RABGAP1L: variants seen among roughly 807,000 people sequenced by gnomAD.
The protein encoded by RABGAP1L is rab GTPase-activating protein 1-like.
Under a neutral mutation model 137.7 loss-of-function variants are expected in RABGAP1L, and 63 were observed. That is an observed-to-expected ratio of 0.46 (90% confidence interval 0.37 to 0.56). The LOEUF is 0.56. Among genes scored for constraint, RABGAP1L ranks in the 20% least tolerant of loss-of-function variants. The pLI, the probability that RABGAP1L is intolerant of heterozygous loss-of-function variation, is 0.00. For synonymous variants in RABGAP1L, 431 were observed against 433.7 expected (o/e 0.99, Z 0.08); for missense variants, 1,095 against 1,244.0 (o/e 0.88, Z 1.80).
intron 1 of RABGAP1L, among the ~76,000 whole-genome samples, chr1:174,195,667 CCTTTCCTT>C (rs1330311008): frequency 2.8e-3 from 266 of 93,994 alleles, no homozygotes; most frequent in Middle Eastern, 0.016. Flanking sequence ...CCTTTCCTTT[CCTTTCCTT>C]CTTTCCTTCT....
In RABGAP1L at chr1:174,448,177, C is replaced by T. The variant is rs541639206; in HGVS notation, c.1710+54032C>T. 13 of 1,613,244 alleles carry T rather than the reference C, an allele frequency of 8.1e-6. No homozygotes were observed. The highest frequency in any genetic ancestry group is 2.7e-5 in the African/African-American group (2 of 74,948). ...TGAGCAGTGGCATTGTGAATGTGTCCGAGCGTCACTCCTGCCCACTTGGAT... is the reference window on the plus strand; with the variant it reads ...TGAGCAGTGGCATTGTGAATGTGTCTGAGCGTCACTCCTGCCCACTTGGAT... On this transcript the variant is annotated intron_variant, in intron 13 of 25. Transcript: ENST00000681986. The surrounding 1 kb of genome is among the most constrained non-coding windows in gnomAD (Gnocchi z 4.2).
At chr1:174,778,823 T>C (rs1052625500) in intron 18 of RABGAP1L, among the ~76,000 whole-genome samples, 2 of 152,166 alleles carry the variant, frequency 1.3e-5, no homozygotes, top group African/African-American at 4.8e-5. Flanking sequence ...CTCAAACTCC[T>C]GACCTTGTGA....
At chr1:174,344,235 A>C (rs979127308) in intron 11 of RABGAP1L, among the ~76,000 whole-genome samples, 1 of 152,102 alleles carries the variant, frequency 6.6e-6, no homozygotes, top group Non-Finnish European at 1.5e-5. Context: ...ATCTCTGGAG[A>C]ATGCTCTCTG....
chr1:174,467,030 A>C (rs1657379838), intron 13 of RABGAP1L, among the ~76,000 whole-genome samples: 1 of 152,200 alleles, frequency 6.6e-6, no homozygotes, highest in Non-Finnish European at 1.5e-5. Flanking sequence ...TAGCAGCTGT[A>C]GTCATTGTTG....
At chr1:174,936,215 A>C (rs1388063207) in intron 19 of RABGAP1L, among the ~76,000 whole-genome samples, 3 of 152,090 alleles carry the variant, frequency 2.0e-5, no homozygotes, top group African/African-American at 4.8e-5. Flanking sequence ...TGGTAATCTC[A>C]CAACTTTGAA....
Position 174,850,955 on chromosome 1 carries a change from T to C in RABGAP1L, c.2340+38995T>C, listed in dbSNP as rs538744466. Among the ~76,000 whole-genome samples, 17 of 152,326 alleles carry C rather than the reference T, an allele frequency of 1.1e-4. No homozygotes were observed. The South Asian group carries it at 3.5e-3, about 32-fold the overall frequency. On this transcript the variant is annotated intron_variant, in intron 19 of 25. Transcript: ENST00000681986. Reference sequence around the variant, plus strand: ...TGAGGAGCTGAGGGCAGCTCCCAGCTGACAGCTAGCAAGGGAACTGGCCAA... The same window carrying C: ...TGAGGAGCTGAGGGCAGCTCCCAGCCGACAGCTAGCAAGGGAACTGGCCAA...
chr1:174,166,108 A>G (rs932321753), intron 1 of RABGAP1L, among the ~76,000 whole-genome samples: 5 of 152,252 alleles, frequency 3.3e-5, no homozygotes, highest in African/African-American at 1.2e-4. Flanking sequence ...CAGAGAGCAC[A>G]TAAGTATCCT....
chr1:174,219,089 G>C, intron 1 of RABGAP1L, 36 bp from the exon 2 acceptor site: 1 of 1,400,366 alleles, frequency 7.1e-7, no homozygotes, highest in Non-Finnish European at 9.7e-7. Flanking sequence ...TTTTTAATCA[G>C]TAGGTTTTTT....
intron 12 of RABGAP1L, among the ~76,000 whole-genome samples, chr1:174,389,592 C>T (rs546482415): frequency 6.6e-6 from 1 of 152,218 alleles, no homozygotes; most frequent in East Asian, 1.9e-4. Flanking sequence ...GAGTCCATGA[C>T]ATTTTTTTGA....
chr1:174,540,825 G>A (rs1316467050), intron 13 of RABGAP1L, among the ~76,000 whole-genome samples: 1 of 152,168 alleles, frequency 6.6e-6, no homozygotes, highest in African/African-American at 2.4e-5. Flanking sequence ...TTCCAATTCT[G>A]TGAAGAAAGT....
chr1:174,633,672 GT>G (rs1445900734), intron 13 of RABGAP1L, among the ~76,000 whole-genome samples: 1 of 120,352 alleles, frequency 8.3e-6, no homozygotes. Flanking sequence ...CATGGTAGTG[GT>G]ACCAAAACAG....
intron 5 of RABGAP1L, among the ~76,000 whole-genome samples, chr1:174,243,972 A>G (rs1174613882): frequency 1.3e-5 from 2 of 152,220 alleles, no homozygotes; most frequent in Non-Finnish European, 2.9e-5. Context: ...ATTTATTGGT[A>G]ACATAGCTTG....
chr1:174,921,307 G>C (rs980379723), intron 19 of RABGAP1L, among the ~76,000 whole-genome samples: 1 of 152,138 alleles, frequency 6.6e-6, no homozygotes, highest in African/African-American at 2.4e-5. Context: ...CCTGGGTTTT[G>C]TTTTGTTTTT....
rs188036148 is a variant in RABGAP1L, at chr1:174,364,545, C to T, written c.1466-6434C>T. Among the ~76,000 whole-genome samples, 143 of 152,130 alleles carry T rather than the reference C, an allele frequency of 9.4e-4. No homozygotes were observed. In the East Asian group the frequency reaches 0.023, roughly 24 times the overall value. ...CTGGGATTACAGGCGTGAGCCACCG[C>T]GCCCGGCCTGGATTTCTTCATGGTT... On this transcript the variant is annotated intron_variant, in intron 11 of 25. Coordinates refer to ENST00000681986, the MANE Select transcript of RABGAP1L (RefSeq NM_001366446.1).
intron 18 of RABGAP1L, among the ~76,000 whole-genome samples, chr1:174,772,268 A>G (rs1686174111): frequency 6.6e-6 from 1 of 151,720 alleles, no homozygotes; most frequent in Non-Finnish European, 1.5e-5. Context: ...ATTGTAGTAT[A>G]ATATACGTAA....
chr1:174,366,295 A>G (rs562090929), intron 11 of RABGAP1L, among the ~76,000 whole-genome samples: 1 of 152,186 alleles, frequency 6.6e-6, no homozygotes, highest in Non-Finnish European at 1.5e-5. Flanking sequence ...CATCTCAGTT[A>G]TCTGTCCTTC....
At chr1:174,260,552 C>G (rs1673497605) in intron 7 of RABGAP1L, among the ~76,000 whole-genome samples, 1 of 152,246 alleles carries the variant, frequency 6.6e-6, no homozygotes, top group Non-Finnish European at 1.5e-5. Flanking sequence ...GGGTCTCCAG[C>G]TGAGATGTTA....
At chr1:174,278,804 A>G in intron 10 of RABGAP1L, 25 bp downstream of exon 10, 1 of 1,413,152 alleles carries the variant, frequency 7.1e-7, no homozygotes, top group Non-Finnish European at 9.3e-7. Flanking sequence ...TTCTCTTCAT[A>G]TATAGTAACA....
intron 17 of RABGAP1L, among the ~76,000 whole-genome samples, chr1:174,733,036 A>C (rs1368935961): frequency 6.6e-6 from 1 of 152,034 alleles, no homozygotes. Context: ...AAGGAAATCG[A>C]GGTAGAGAGA....
Sources: gnomAD v4.1 joint callset for allele counts (sites outside exome capture counted in the v4.1 genomes callset) on GRCh38, gnomAD v4.1.1 for gene constraint, Gnocchi (gnomAD v3.1) non-coding constraint, MANE v1.5 for transcripts, NCBI Gene and HGNC (gene_info 2026-07-23, HGNC 2026-07-21) for gene names.